The following MAOA variants were observed in gnomAD, a reference collection of about 807,000 sequenced individuals.
The protein encoded by MAOA is amine oxidase [flavin-containing] A.
MAOA carries 6 observed loss-of-function variants against 42.0 expected under a neutral mutation model. The ratio of observed to expected loss-of-function variants is 0.14; its 90% CI spans 0.08 to 0.28. The LOEUF (loss-of-function observed/expected upper bound fraction) is 0.28, where lower values mean the gene tolerates loss of function less well. Among genes scored for constraint, MAOA ranks in the 10% least tolerant of loss-of-function variants. The probability of loss-of-function intolerance (pLI) is 1.00; values close to 1 mark genes in which losing one functional copy is unlikely to be tolerated. For synonymous variants in MAOA, 140 were observed against 154.0 expected, an observed-to-expected ratio of 0.91 and a Z score of 0.67; for missense variants, 262 against 422.3, an observed-to-expected ratio of 0.62 and a Z score of 3.33.
rs143768223 is a variant in MAOA, at chrX:43,723,168, C to T, written c.504-5005C>T. ...TTTGCTTAGGATTGTCTTGGCTATGCGGGCTCTTTTTTTGGTTCCATATGA... is the reference window on the plus strand; with the variant it reads ...TTTGCTTAGGATTGTCTTGGCTATGTGGGCTCTTTTTTTGGTTCCATATGA... On this transcript the variant is annotated intron_variant, in intron 5 of 14. Coordinates refer to ENST00000338702, the MANE Select transcript of MAOA (RefSeq NM_000240.4). Among the ~76,000 whole-genome samples, 76 of 111,638 alleles carry T rather than the reference C, an allele frequency of 6.8e-4. 1 individual carries two copies. The East Asian group carries it at 0.018, about 27-fold the overall frequency.
At chrX:43,692,176 C>T (rs952185462) in intron 2 of MAOA, among the ~76,000 whole-genome samples, 5 of 110,613 alleles carry the variant, frequency 4.5e-5, no homozygotes, top group African/African-American at 6.6e-5. Flanking sequence ...AAGAAGCTCC[C>T]GAAGGCTGAG....
At chrX:43,659,728 C>T (rs909835818) in intron 1 of MAOA, among the ~76,000 whole-genome samples, 4 of 111,439 alleles carry the variant, frequency 3.6e-5, no homozygotes, top group African/African-American at 1.3e-4. Flanking sequence ...ACTGTGCTAG[C>T]CAATCCAGCT....
intron 1 of MAOA, among the ~76,000 whole-genome samples, chrX:43,657,084 C>CTG (rs10560402): frequency 0.035 from 2,511 of 71,202 alleles, 146 homozygotes; most frequent in African/African-American, 0.094. Flanking sequence ...TAAACTATTC[C>CTG]TGTGTGTGTG....
chrX:43,670,615 A>T (rs1266996238), intron 1 of MAOA, among the ~76,000 whole-genome samples: 9 of 66,552 alleles, frequency 1.4e-4, no homozygotes, highest in African/African-American at 5.5e-4. Context: ...ACCCCACAAC[A>T]GTCCCCAGAG....
chrX:43,703,773 G>C (rs946349793), intron 3 of MAOA, among the ~76,000 whole-genome samples: 1 of 111,310 alleles, frequency 9.0e-6, no homozygotes, highest in South Asian at 3.8e-4. Context: ...TAACAAATTA[G>C]GAGTCCTAGG....
chrX:43,670,654 G>A (rs1384723131), intron 1 of MAOA, among the ~76,000 whole-genome samples: 2 of 89,716 alleles, frequency 2.2e-5, no homozygotes, highest in African/African-American at 8.6e-5. Context: ...GTGTCCATGT[G>A]TTCTCATTGT....
chrX:43,681,470 A>C (rs1255186011), intron 1 of MAOA, among the ~76,000 whole-genome samples: 1 of 111,348 alleles, frequency 9.0e-6, no homozygotes, highest in Non-Finnish European at 1.9e-5. Context: ...TACAAATGTA[A>C]CAGCCTTGGG....
rs1481776058 is a variant in MAOA at position 43,731,942 on chromosome X, CAA to C, written c.955+91_955+92del. The C allele has an allele frequency of 2.0e-5, 18 of 898,904 alleles. No individual in the cohort carries two copies. The Admixed American group carries it at 4.2e-4, about 21-fold the overall frequency. The allele number at this position is 898,904 out of a possible 1,213,427, so 74.1% of individuals were successfully genotyped here. ...TTGAACAGAAGGTATTGAACAGAAA[CAA>C]AGTATTTTCAAACTGGTAGAAAAAG... On this transcript the variant is annotated intron_variant, in intron 8 of 14. Coordinates refer to ENST00000338702, the MANE Select transcript of MAOA (RefSeq NM_000240.4).
At chrX:43,697,551 G>T (rs2033590858) in intron 3 of MAOA, among the ~76,000 whole-genome samples, 2 of 112,286 alleles carry the variant, frequency 1.8e-5, no homozygotes, top group Admixed American at 1.9e-4. Flanking sequence ...AAGATGGTAA[G>T]CATCATTCTT....
In MAOA at chrX:43,746,495, G is replaced by T. The variant is rs2033999872; in HGVS notation, c.*1982G>T. 3 of 111,576 alleles carry T rather than the reference G, an allele frequency of 2.7e-5. No homozygotes were observed. The highest frequency in any genetic ancestry group is 9.5e-5 in the Admixed American group (1 of 10,515). The allele number at this position is 111,576 out of a possible 1,213,427, so 9.2% of individuals were successfully genotyped here. The stretch of plus-strand genomic sequence containing the variant: ...CAGTTTAAGAGGCTGATAGATCTTG[G>T]CCCTGTTAAGGCATCCACTTCACAG... On this transcript the variant is annotated 3_prime_UTR_variant, in exon 15 of 15. Transcript: ENST00000338702.
rs1569197479 is a variant in MAOA, at chrX:43,712,761, C to T, written c.468C>T (p.Thr156=). ...AQHADKWDKM[T]MKELIDKICW... ...ATGCTGACAAATGGGACAAAATGAC[C>T]ATGAAAGAGCTCATTGACAAAATCT... The change falls in exon 5 of 15, where the codon ACC becomes ACT. Residue 156 remains threonine (T), a synonymous_variant. Coordinates refer to ENST00000338702, the MANE Select transcript of MAOA (RefSeq NM_000240.4). 1.7e-6 allele frequency: 2 copies of T among 1,208,845 alleles called. No individual in the cohort carries two copies. Among genetic ancestry groups the T allele is most frequent in the Non-Finnish European group, 2.2e-6 (2 of 893,105 alleles).
chrX:43,672,757 A>C (rs1302765514), intron 1 of MAOA, among the ~76,000 whole-genome samples: 45 of 110,995 alleles, frequency 4.1e-4, no homozygotes, highest in African/African-American at 1.2e-3. Flanking sequence ...TATTGATTTG[A>C]GTATATTGAA....
At chrX:43,668,315 G>A (rs960437578) in intron 1 of MAOA, among the ~76,000 whole-genome samples, 5 of 111,995 alleles carry the variant, frequency 4.5e-5, no homozygotes, top group African/African-American at 1.6e-4. Flanking sequence ...TATTTTAAAA[G>A]CATGTCTGGT....
chrX:43,692,430 C>A (rs181148264), intron 2 of MAOA, among the ~76,000 whole-genome samples: 180 of 111,061 alleles, frequency 1.6e-3, no homozygotes, highest in African/African-American at 5.6e-3. Flanking sequence ...AGGCTGTGGG[C>A]AGAAGCAAAC....
chrX:43,669,889 T>C lies in MAOA; in HGVS notation c.73+13475T>C, dbSNP rs1279326819. Among the ~76,000 whole-genome samples, 4 of 111,929 alleles carry C rather than the reference T, an allele frequency of 3.6e-5. No homozygotes were observed. In the East Asian group the frequency reaches 1.1e-3, roughly 31 times the overall value. On this transcript the variant is annotated intron_variant, in intron 1 of 14. Coordinates refer to ENST00000338702, the MANE Select transcript of MAOA (RefSeq NM_000240.4). ...TCTGTGTACATCCTCAAAGAAGTAC[T>C]TTTCCACAGATCGCCCTCTGGGAAA...
In MAOA at chrX:43,657,602, A is replaced by G. The variant is rs753202003; in HGVS notation, c.73+1188A>G. On this transcript the variant is annotated intron_variant, in intron 1 of 14. Transcript: ENST00000338702. ...TTGCCATCATTGGTAAAATGTTTGA[A>G]AATTAGGAATTTTGTTGCCTTTCAT... Among the ~76,000 whole-genome samples the G allele has an allele frequency of 2.7e-5, 3 of 111,137 alleles. No individual in the cohort carries two copies. The South Asian group carries it at 1.1e-3, about 43-fold the overall frequency.
intron 1 of MAOA, among the ~76,000 whole-genome samples, chrX:43,672,006 G>A (rs1235666076): frequency 9.0e-6 from 1 of 110,754 alleles, no homozygotes; most frequent in Admixed American, 9.7e-5. Context: ...TGATGGGGAT[G>A]CCATTGAATC....
At chrX:43,712,681 A>C (rs186668902) in intron 4 of MAOA, 24 bp from the exon 5 acceptor site, 11 of 1,086,730 alleles carry the variant, frequency 1.0e-5, no homozygotes, top group Non-Finnish European at 1.3e-5. Context: ...ATCAAACCTG[A>C]GAGGGGACTT....
chrX:43,729,410 G>T (rs1167869645), intron 6 of MAOA, among the ~76,000 whole-genome samples: 1 of 111,923 alleles, frequency 8.9e-6, no homozygotes, highest in Non-Finnish European at 1.9e-5. Context: ...TCAAACCATG[G>T]TCACAATATT....
Sources: gnomAD v4.1 joint callset for allele counts (sites outside exome capture counted in the v4.1 genomes callset) on GRCh38, gnomAD v4.1.1 for gene constraint, MANE v1.5 for transcripts, NCBI Gene and HGNC (gene_info 2026-07-23, HGNC 2026-07-21) for gene names.